Variants in NELL2 observed in about 807,000 individuals in gnomAD.
The protein encoded by NELL2 is protein kinase C-binding protein NELL2.
In NELL2, 41 loss-of-function variants were observed where a neutral mutation model predicts 109.6. The ratio of observed to expected loss-of-function variants is 0.37; its 90% CI spans 0.29 to 0.49. The LOEUF (loss-of-function observed/expected upper bound fraction) is 0.49, where lower values mean the gene tolerates loss of function less well. Ranked by LOEUF, NELL2 falls within the 20% of genes least tolerant of loss-of-function variation. The pLI, the probability that NELL2 is intolerant of heterozygous loss-of-function variation, is 0.98. For missense variants in NELL2, 900 were observed against 1,008.3 expected (o/e 0.89, Z 1.45); for synonymous variants, 355 against 344.7 (o/e 1.03, Z -0.33).
At position 44,527,921 on chromosome 12, in the gene NELL2, C is replaced by T. The variant is rs1326496568; in HGVS notation, c.1805-4437G>A. ...ATCTCTGGCTAACACGGTGAAACCC[C>T]GTCTCTACTAAAAATACAAAAAATT... On this transcript the variant is annotated intron_variant, in intron 16 of 19. Coordinates refer to ENST00000429094, the MANE Select transcript of NELL2 (RefSeq NM_001145108.2). 4.0e-5 allele frequency among the ~76,000 whole-genome samples: 6 copies of T among 151,484 alleles called. No individual in the cohort carries two copies. The East Asian group carries it at 5.8e-4, about 15-fold the overall frequency.
intron 15 of NELL2, among the ~76,000 whole-genome samples, chr12:44,589,951 T>C (rs1944683450): frequency 1.3e-5 from 2 of 152,180 alleles, no homozygotes; most frequent in African/African-American, 4.8e-5. Context: ...GCCCATTCCA[T>C]CTGATCCCTG....
intron 15 of NELL2, among the ~76,000 whole-genome samples, chr12:44,567,820 C>T (rs188017089): frequency 1.7e-3 from 263 of 152,184 alleles, no homozygotes; most frequent in Admixed American, 4.2e-3. Flanking sequence ...AATCATCTTA[C>T]AATAATCTTG....
At chr12:44,718,504 T>C (rs1938606667) in intron 9 of NELL2, among the ~76,000 whole-genome samples, 1 of 152,210 alleles carries the variant, frequency 6.6e-6, no homozygotes, top group Non-Finnish European at 1.5e-5. Flanking sequence ...CCTAGTTTTG[T>C]TGTGTGGCTT....
intron 2 of NELL2, among the ~76,000 whole-genome samples, chr12:44,870,375 C>T (rs1180936078): frequency 6.6e-6 from 1 of 152,174 alleles, no homozygotes; most frequent in Non-Finnish European, 1.5e-5. Context: ...TCCAAAGCCA[C>T]TTCCATATTT....
At chr12:44,806,108 A>G (rs1333488403) in intron 3 of NELL2, among the ~76,000 whole-genome samples, 1 of 121,018 alleles carries the variant, frequency 8.3e-6, no homozygotes, top group African/African-American at 2.6e-5. Context: ...AAGAAAATTT[A>G]GTACATAAAA....
intron 11 of NELL2, among the ~76,000 whole-genome samples, chr12:44,705,596 T>C (rs975249348): frequency 6.6e-6 from 1 of 152,214 alleles, no homozygotes. Flanking sequence ...TGTATTCCGC[T>C]GTCTTTTTAT....
At chr12:44,879,317 G>A (rs960833509), upstream of NELL2, among the ~76,000 whole-genome samples, 16 of 152,236 alleles carry the variant, frequency 1.1e-4, no homozygotes, top group African/African-American at 3.6e-4. Flanking sequence ...AATTTGTGTT[G>A]TTTTAATCCA....
At chr12:44,792,869 A>G (rs1942485324) in intron 3 of NELL2, among the ~76,000 whole-genome samples, 1 of 152,202 alleles carries the variant, frequency 6.6e-6, no homozygotes, top group South Asian at 2.1e-4. Context: ...GCGATTCCGA[A>G]TCTAAAAATC....
At chr12:44,552,013 G>A (rs1943060345) in intron 15 of NELL2, among the ~76,000 whole-genome samples, 1 of 152,110 alleles carries the variant, frequency 6.6e-6, no homozygotes, top group South Asian at 2.1e-4. Context: ...CGGGAGACTG[G>A]TCCCAGAAAA....
chr12:44,913,816 G>A (rs1405544344), exon 1 of NELL2: 2 of 833,944 alleles, frequency 2.4e-6, no homozygotes, highest in Non-Finnish European at 3.6e-6. Flanking sequence ...GGATTAAAAT[G>A]AGAAGTCTTC....
intron 16 of NELL2, among the ~76,000 whole-genome samples, chr12:44,528,062 C>A (rs992413169): frequency 6.3e-5 from 8 of 127,504 alleles, no homozygotes; most frequent in Non-Finnish European, 4.7e-5. Flanking sequence ...CGCCTCACTG[C>A]ACTCCAGCCT....
At chr12:44,517,739 A>C (rs1336930845) in intron 19 of NELL2, among the ~76,000 whole-genome samples, 1 of 152,140 alleles carries the variant, frequency 6.6e-6, no homozygotes, top group African/African-American at 2.4e-5. Context: ...TGAACAACAG[A>C]GTGCCAGATA....
intron 9 of NELL2, among the ~76,000 whole-genome samples, chr12:44,742,791 T>C (rs1287546489): frequency 6.6e-6 from 1 of 151,496 alleles, no homozygotes; most frequent in Non-Finnish European, 1.5e-5. Flanking sequence ...TCCAAGAAAA[T>C]GGGACTACGT....
At chr12:44,740,259 G>T (rs1939879029) in intron 9 of NELL2, among the ~76,000 whole-genome samples, 1 of 152,144 alleles carries the variant, frequency 6.6e-6, no homozygotes, top group Admixed American at 6.5e-5. Flanking sequence ...GATACGTACA[G>T]TATATCAGAT....
intron 15 of NELL2, among the ~76,000 whole-genome samples, chr12:44,558,418 C>A (rs531892597): frequency 6.6e-6 from 1 of 152,140 alleles, no homozygotes; most frequent in Admixed American, 6.5e-5. Context: ...GAGAGATAAA[C>A]GTGGAAGGTG....
At chr12:44,586,775 G>T (rs752611018) in intron 15 of NELL2, among the ~76,000 whole-genome samples, 2 of 152,118 alleles carry the variant, frequency 1.3e-5, no homozygotes, top group Non-Finnish European at 2.9e-5. Context: ...TAAGATATAA[G>T]GGTTATTTTT....
At chr12:44,826,477 C>G (rs1943715171) in intron 2 of NELL2, among the ~76,000 whole-genome samples, 1 of 152,064 alleles carries the variant, frequency 6.6e-6, no homozygotes, top group South Asian at 2.1e-4. Context: ...TTTTATAATG[C>G]AAACTTATAA....
intron 13 of NELL2, among the ~76,000 whole-genome samples, chr12:44,640,754 T>C (rs1275798350): frequency 6.6e-6 from 1 of 152,190 alleles, no homozygotes; most frequent in Non-Finnish European, 1.5e-5. Context: ...CAATCTATAA[T>C]ATCACATAAA....
intron 9 of NELL2, among the ~76,000 whole-genome samples, chr12:44,731,472 T>A (rs1939367025): frequency 6.6e-6 from 1 of 152,058 alleles, no homozygotes; most frequent in African/African-American, 2.4e-5. Context: ...TACACCATGT[T>A]AAAAGAACAA....
Sources: allele counts gnomAD v4.1 joint callset (sites outside exome capture counted in the v4.1 genomes callset), GRCh38; gene constraint gnomAD v4.1.1; transcripts MANE v1.5; gene names NCBI Gene and HGNC (gene_info 2026-07-23, HGNC 2026-07-21).